Variants in SELPLG observed in about 807,000 individuals in gnomAD.
SELPLG encodes selectin P ligand, also known as P-selectin glycoprotein ligand 1.
Under a neutral mutation model 1.1 loss-of-function variants are expected in SELPLG, and 2 were observed. The ratio of observed to expected loss-of-function variants is 1.82; its 90% CI spans 0.74 to 5.71. The LOEUF (loss-of-function observed/expected upper bound fraction) is 5.71, where lower values mean the gene tolerates loss of function less well. SELPLG is among the 30% of genes most tolerant of loss of function. The probability of loss-of-function intolerance (pLI) is 0.05; values close to 1 mark genes in which losing one functional copy is unlikely to be tolerated. For missense variants in SELPLG, 478 were observed against 524.7 expected, an observed-to-expected ratio of 0.91 and a Z score of 0.87; for synonymous variants, 230 against 221.2, an observed-to-expected ratio of 1.04 and a Z score of -0.35.
chr12:108,627,369 G>A (rs1386585037), intron 1 of SELPLG, among the ~76,000 whole-genome samples: 1 of 151,602 alleles, frequency 6.6e-6, no homozygotes, highest in East Asian at 1.9e-4. Context: ...GAGAGGGAGG[G>A]CAGAGTAAGA....
rs1421270672 is a variant in SELPLG at position 108,624,266 on chromosome 12, A to G, written c.42T>C (p.Pro14=). ...TGTCCCACAGCTGCAAGCTGTTGCC[A>G]GGGCCCAGTAGGATCAGCAACAGGA... ...QLLLLLILLG[P]GNSLQLWDTW... Residue 14 remains proline (P), a synonymous_variant, in exon 2 of 2, where the codon CCT becomes CCC. Transcript: ENST00000550948. The G allele has an allele frequency of 1.2e-6, 2 of 1,613,998 alleles. No individual in the cohort carries two copies. Among genetic ancestry groups the G allele is most frequent in the African/African-American group, 2.7e-5 (2 of 74,920 alleles).
At chr12:108,630,946 A>G (rs562184943) in intron 1 of SELPLG, among the ~76,000 whole-genome samples, 19 of 152,208 alleles carry the variant, frequency 1.2e-4, no homozygotes, top group Admixed American at 7.8e-4. Context: ...CCCTCGCAAC[A>G]CTCGCCCCAG....
intron 1 of SELPLG, among the ~76,000 whole-genome samples, chr12:108,624,710 G>C (rs77178922): frequency 8.3e-6 from 1 of 120,098 alleles, no homozygotes; most frequent in Admixed American, 8.6e-5. Flanking sequence ...TTTTTTTTTA[G>C]ATGGAGTCTT....
At position 108,624,237 on chromosome 12, in the gene SELPLG, C is replaced by T. The variant is rs1302453879; in HGVS notation, c.71G>A (p.Trp24Ter). The T allele has an allele frequency of 6.2e-7, 1 of 1,614,230 alleles. No homozygotes were observed. Among genetic ancestry groups the T allele is most frequent in the Non-Finnish European group, 8.5e-7 (1 of 1,180,042 alleles). The change falls in exon 2 of 2, where the codon TGG becomes TAG. Residue 24 changes from tryptophan (W) to a stop codon, truncating the protein, a stop_gained. Coordinates refer to ENST00000550948, the MANE Select transcript of SELPLG (RefSeq NM_003006.4). LOFTEE classifies it low-confidence loss of function (END_TRUNC). ...CAAGGCTTTCTCGGCTTCATCTGCC[C>T]AGGTGTCCCACAGCTGCAAGCTGTT... is the stretch of plus-strand genomic sequence containing the variant. ...PGNSLQLWDT[W>*]ADEAEKALGP...
rs2031847897 is a variant in SELPLG at position 108,622,943 on chromosome 12, C to G, written c.*126G>C. On this transcript the variant is annotated 3_prime_UTR_variant, in exon 2 of 2. Transcript: ENST00000550948. Reference sequence around the variant, plus strand: ...TGTTTGGGTGGCCAGAGTTCCTTCCCTGAAGATCCCCATCCCCAGGGGTCT... The same window carrying G: ...TGTTTGGGTGGCCAGAGTTCCTTCCGTGAAGATCCCCATCCCCAGGGGTCT... 1 of 1,061,704 alleles carries G rather than the reference C, an allele frequency of 9.4e-7. No homozygotes were observed. The allele number at this position is 1,061,704 out of a possible 1,614,324, so 65.8% of individuals were successfully genotyped here. A position where few individuals can be genotyped will look rare whatever the true frequency, so the allele number is the denominator to read the frequency against.
At chr12:108,626,195 C>T (rs2031934061) in intron 1 of SELPLG, among the ~76,000 whole-genome samples, 1 of 145,824 alleles carries the variant, frequency 6.9e-6, no homozygotes, top group Non-Finnish European at 1.5e-5. Context: ...AGTGCAGTGG[C>T]ACGACCTTGG....
rs944157193 is a variant in SELPLG, at chr12:108,621,916, A to G, written c.*1153T>C. Among the ~76,000 whole-genome samples the G allele has an allele frequency of 6.6e-6, 1 of 150,926 alleles. No homozygotes were observed. The highest frequency in any genetic ancestry group is 2.4e-5 in the African/African-American group (1 of 40,980). On this transcript the variant is annotated 3_prime_UTR_variant, in exon 2 of 2. Transcript: ENST00000550948. Reference sequence around the variant, plus strand: ...CCCATTTTTTTTTTTCTTTAACAGGAGGATAGATTGATGTTTAGAGGGATA... The same window carrying G: ...CCCATTTTTTTTTTTCTTTAACAGGGGGATAGATTGATGTTTAGAGGGATA...
At position 108,624,295 on chromosome 12, in the gene SELPLG, G is replaced by T. The variant is rs752368694; in HGVS notation, c.13C>A (p.Leu5Ile). The change falls in exon 2 of 2, where the codon CTC becomes ATC. Residue 5 changes from leucine to isoleucine, a missense_variant. Leu to Ile is a conservative substitution (Grantham distance 5). Coordinates refer to ENST00000550948, the MANE Select transcript of SELPLG (RefSeq NM_003006.4). Reference sequence around the variant, plus strand: ...CCCAGTAGGATCAGCAACAGGAGGAGTTGCAGAGGCATGGCACCTAGGAGG... The same window carrying T: ...CCCAGTAGGATCAGCAACAGGAGGATTTGCAGAGGCATGGCACCTAGGAGG... MPLQLLLLLILLGPG... is the reference protein window; with the variant it reads MPLQILLLLILLGPG... The T allele has an allele frequency of 2.1e-5, 34 of 1,613,868 alleles. No individual in the cohort carries two copies. Among genetic ancestry groups the T allele is most frequent in the Non-Finnish European group, 2.9e-5 (34 of 1,179,860 alleles).
chr12:108,626,466 A>G (rs904271923), intron 1 of SELPLG, among the ~76,000 whole-genome samples: 1 of 151,896 alleles, frequency 6.6e-6, no homozygotes, highest in African/African-American at 2.4e-5. Flanking sequence ...AAATCTGATC[A>G]TATCTTAAAC....
At chr12:108,625,862 T>A (rs1283511114) in intron 1 of SELPLG, among the ~76,000 whole-genome samples, 1 of 152,210 alleles carries the variant, frequency 6.6e-6, no homozygotes, top group Non-Finnish European at 1.5e-5. Context: ...TGGGGCAGGA[T>A]TCAGGTATTC....
rs530681343 is a variant in SELPLG, at chr12:108,623,988, G to A, written c.320C>T (p.Ala107Val). 75 of 1,614,192 alleles carry A rather than the reference G, an allele frequency of 4.6e-5. No homozygotes were observed. Among genetic ancestry groups the A allele is most frequent in the South Asian group, 9.9e-5 (9 of 91,086 alleles). ...GAVTELTTEL[A>V]NMGNLSTDSA... ...ATCCGTGGACAGGTTCCCCATGTTG[G>A]CCAGCTCCGTGGTCAGCTCTGTGAC... is the stretch of plus-strand genomic sequence containing the variant. The change falls in exon 2 of 2, where the codon GCC (alanine) becomes GTC (valine). Residue 107 changes from alanine (A) to valine (V), a missense_variant. Ala to Val is a moderately conservative substitution (Grantham distance 64, BLOSUM62 0). Coordinates refer to ENST00000550948, the MANE Select transcript of SELPLG (RefSeq NM_003006.4).
intron 1 of SELPLG, among the ~76,000 whole-genome samples, chr12:108,626,091 C>A (rs1218696521): frequency 6.7e-6 from 1 of 149,224 alleles, no homozygotes; most frequent in Admixed American, 6.7e-5. Flanking sequence ...AATCTGATCT[C>A]TTTCATATGT....
At position 108,624,317 on chromosome 12, in the gene SELPLG, G is replaced by A; in HGVS notation, c.-5-5C>T. On this transcript the variant is annotated splice_region_variant and splice_polypyrimidine_tract_variant and intron_variant, in intron 1 of 1. Coordinates refer to ENST00000550948, the MANE Select transcript of SELPLG (RefSeq NM_003006.4). ...GGAGTTGCAGAGGCATGGCACCTAGGAGGAGACAATGGGCGGAGGGATGTC... is the reference window on the plus strand; with the variant it reads ...GGAGTTGCAGAGGCATGGCACCTAGAAGGAGACAATGGGCGGAGGGATGTC... 6.2e-7 allele frequency: 1 copy of A among 1,611,948 alleles called. No individual in the cohort carries two copies. The highest frequency in any genetic ancestry group is 1.1e-5 in the South Asian group (1 of 91,014).
intron 1 of SELPLG, among the ~76,000 whole-genome samples, chr12:108,625,838 T>A (rs982067160): frequency 6.6e-6 from 1 of 152,166 alleles, no homozygotes; most frequent in African/African-American, 2.4e-5. Context: ...CTATGGTGAG[T>A]GACAGCCACG....
At chr12:108,632,013 C>G in intron 1 of SELPLG, 1 of 1,276,672 alleles carries the variant, frequency 7.8e-7, no homozygotes, top group Non-Finnish European at 1.1e-6. Context: ...TGCTTCTCCC[C>G]TTCAAGCCTC....
intron 1 of SELPLG, among the ~76,000 whole-genome samples, chr12:108,625,140 C>T (rs534373595): frequency 1.1e-4 from 16 of 152,260 alleles, no homozygotes; most frequent in Admixed American, 4.6e-4. Context: ...TCCCAGATAC[C>T]GCTGCTTATT....
Position 108,622,993 on chromosome 12 carries a change from T to C in SELPLG, c.*76A>G. The C allele has an allele frequency of 1.4e-6, 2 of 1,383,836 alleles. No homozygotes were observed. Among genetic ancestry groups the C allele is most frequent in the Non-Finnish European group, 1.9e-6 (2 of 1,044,348 alleles). The allele number at this position is 1,383,836 out of a possible 1,614,324, so 85.7% of individuals were successfully genotyped here. On this transcript the variant is annotated 3_prime_UTR_variant, in exon 2 of 2. Transcript: ENST00000550948. Reference sequence around the variant, plus strand: ...TCCGAGGAAGCCCAGAGCTGTGGAATGGGGTCTGGGCACTCAGGGGTGGCC... The same window carrying C: ...TCCGAGGAAGCCCAGAGCTGTGGAACGGGGTCTGGGCACTCAGGGGTGGCC...
rs535212583 is a variant in SELPLG, at chr12:108,631,432, A to G, written c.-6+2308T>C. Among the ~76,000 whole-genome samples the G allele has an allele frequency of 1.1e-3, 160 of 152,088 alleles. 1 individual carries two copies. The highest frequency in any genetic ancestry group is 3.8e-3 in the African/African-American group (158 of 41,478). On this transcript the variant is annotated intron_variant, in intron 1 of 1. Coordinates refer to ENST00000550948, the MANE Select transcript of SELPLG (RefSeq NM_003006.4). ...ACCCGGCTACTTTTAAATTTTTTGT[A>G]GAGATGGGTTTTCCCCATGTTGCCC...
At chr12:108,632,427 T>A (rs1183266873) in intron 1 of SELPLG, among the ~76,000 whole-genome samples, 1 of 134,464 alleles carries the variant, frequency 7.4e-6, no homozygotes, top group Non-Finnish European at 1.5e-5. Flanking sequence ...TGTGTGTGTG[T>A]GAATGTGTGT....
Sources: allele counts gnomAD v4.1 joint callset (sites outside exome capture counted in the v4.1 genomes callset), GRCh38; gene constraint gnomAD v4.1.1; transcripts MANE v1.5; gene names NCBI Gene and HGNC (gene_info 2026-07-23, HGNC 2026-07-21).